Variants in KCNK2 observed in about 807,000 individuals in gnomAD.
The protein encoded by KCNK2 is potassium channel subfamily K member 2.
KCNK2 carries 21 observed loss-of-function variants against 40.5 expected under a neutral mutation model. The observed-to-expected ratio is 0.52, with a 90% CI of 0.37 to 0.75. The LOEUF is 0.75. KCNK2 is among the 30% of genes least tolerant of loss of function. KCNK2 has a pLI of 0.00. For missense variants in KCNK2, 399 were observed against 531.6 expected (o/e 0.75, Z 2.45); for synonymous variants, 191 against 202.2 (o/e 0.94, Z 0.47).
At position 215,127,471 on chromosome 1, in the gene KCNK2, T is replaced by C. The variant is rs536425880; in HGVS notation, c.475+2721T>C. Among the ~76,000 whole-genome samples, 109 of 152,332 alleles carry C rather than the reference T, an allele frequency of 7.2e-4. 1 individual carries two copies. The highest frequency in any genetic ancestry group is 1.4e-3 in the Non-Finnish European group (92 of 68,026). On this transcript the variant is annotated intron_variant, in intron 3 of 6. Coordinates refer to ENST00000444842, the MANE Select transcript of KCNK2 (RefSeq NM_001017425.3). ...GAAATCCATTCTTGACCATTCCTTT[T>C]CTCTCATATGCCACTTCCATTCCAT...
At position 215,234,841 on chromosome 1, in the gene KCNK2, G is replaced by T; in HGVS notation, c.977G>T (p.Arg326Ile). The T allele has an allele frequency of 6.2e-7, 1 of 1,612,774 alleles. No individual in the cohort carries two copies. Among genetic ancestry groups the T allele is most frequent in the South Asian group, 1.1e-5 (1 of 91,044 alleles). ...TGTATGTTCCAGGTGGGAGAGTTCAGAGCACACGCTGCTGAGTGGACAGCC... is the reference window on the plus strand; with the variant it reads ...TGTATGTTCCAGGTGGGAGAGTTCATAGCACACGCTGCTGAGTGGACAGCC... ...KKTKEEVGEF[R>I]AHAAEWTANV... The change falls in exon 7 of 7, where the codon AGA (arginine) becomes ATA (isoleucine). Residue 326 changes from arginine to isoleucine, a missense_variant. Arg to Ile is a moderately conservative substitution (Grantham distance 97). Coordinates refer to ENST00000444842, the MANE Select transcript of KCNK2 (RefSeq NM_001017425.3).
chr1:215,096,262 G>A (rs773616252), intron 2 of KCNK2, among the ~76,000 whole-genome samples: 5 of 151,736 alleles, frequency 3.3e-5, no homozygotes, highest in East Asian at 1.9e-4. Flanking sequence ...ATAGGATCAC[G>A]TATGCATGCC....
chr1:215,140,218 TCTTTA>T (rs1167620426), intron 3 of KCNK2, among the ~76,000 whole-genome samples: 1 of 152,176 alleles, frequency 6.6e-6, no homozygotes, highest in Admixed American at 6.5e-5. Context: ...ATACTGTCTG[TCTTTA>T]CTTTTCTAAG....
At chr1:215,021,577 G>A (rs907593246) in intron 1 of KCNK2, among the ~76,000 whole-genome samples, 2 of 121,484 alleles carry the variant, frequency 1.6e-5, no homozygotes, top group South Asian at 2.9e-4. Flanking sequence ...ACGGAATCTC[G>A]CTCTGTCGCC....
intron 2 of KCNK2, among the ~76,000 whole-genome samples, chr1:215,110,299 T>C (rs897409847): frequency 6.6e-6 from 1 of 152,054 alleles, no homozygotes; most frequent in African/African-American, 2.4e-5. Flanking sequence ...GATCAATGTC[T>C]TGAAGAGCTT....
chr1:215,152,493 G>C (rs1343746229), intron 3 of KCNK2, among the ~76,000 whole-genome samples: 1 of 152,080 alleles, frequency 6.6e-6, no homozygotes, highest in Admixed American at 6.5e-5. Context: ...TTTCAGTGTA[G>C]TAAATCTTTG....
intron 1 of KCNK2, among the ~76,000 whole-genome samples, chr1:215,027,343 A>G (rs767372407): frequency 1.3e-5 from 2 of 152,110 alleles, no homozygotes; most frequent in African/African-American, 2.4e-5. Context: ...GATTCTTTCT[A>G]TCGTTTCGAT....
Position 215,232,544 on chromosome 1 carries a change from G to C in KCNK2, c.964-2284G>C, listed in dbSNP as rs567076784. ...AGTGATAAATTTATTCATTTAACAG[G>C]TACTTATTGGAAATGTGCCACATAC... On this transcript the variant is annotated intron_variant, in intron 6 of 6. Transcript: ENST00000444842. Among the ~76,000 whole-genome samples, 3 of 152,160 alleles carry C rather than the reference G, an allele frequency of 2.0e-5. No individual in the cohort carries two copies. The East Asian group carries it at 5.8e-4, about 29-fold the overall frequency.
chr1:215,053,534 T>C (rs928023176), intron 1 of KCNK2, among the ~76,000 whole-genome samples: 3 of 152,212 alleles, frequency 2.0e-5, no homozygotes, highest in African/African-American at 7.2e-5. Context: ...TATTGAATGT[T>C]TTTCTGAACA....
intron 2 of KCNK2, among the ~76,000 whole-genome samples, chr1:215,124,382 G>T (rs1163470855): frequency 6.6e-6 from 1 of 152,120 alleles, no homozygotes; most frequent in Non-Finnish European, 1.5e-5. Flanking sequence ...CAATATGAAA[G>T]CATGTTGGTG....
intron 5 of KCNK2, among the ~76,000 whole-genome samples, chr1:215,176,973 T>C (rs1352556999): frequency 6.6e-6 from 1 of 152,220 alleles, no homozygotes; most frequent in Non-Finnish European, 1.5e-5. Context: ...AAAGCGTTTT[T>C]ATTTCTCCAC....
At chr1:215,201,845 C>T (rs1665092048) in intron 6 of KCNK2, among the ~76,000 whole-genome samples, 1 of 152,242 alleles carries the variant, frequency 6.6e-6, no homozygotes, top group African/African-American at 2.4e-5. Context: ...CTTAATGTAG[C>T]CTGCTTTTAC....
At chr1:215,087,302 A>T (rs12041014) in intron 2 of KCNK2, among the ~76,000 whole-genome samples, 60,245 of 152,126 alleles carry the variant, frequency 0.4, 14,948 homozygotes, top group East Asian at 0.54. Context: ...TGCTTCTCTA[A>T]CCCCCAGCTA....
At chr1:215,173,964 C>G (rs939724654) in intron 5 of KCNK2, among the ~76,000 whole-genome samples, 2 of 152,166 alleles carry the variant, frequency 1.3e-5, no homozygotes, top group African/African-American at 4.8e-5. Flanking sequence ...TGCAGAAGCT[C>G]TTGAGTTTAA....
chr1:215,109,438 G>GT (rs1309158770), intron 2 of KCNK2, among the ~76,000 whole-genome samples: 2 of 152,060 alleles, frequency 1.3e-5, no homozygotes, highest in Non-Finnish European at 2.9e-5. Context: ...TAGCGCTCAT[G>GT]TAAGAGTGAG....
intron 1 of KCNK2, among the ~76,000 whole-genome samples, chr1:215,061,913 G>A (rs954594865): frequency 3.9e-5 from 6 of 152,048 alleles, no homozygotes; most frequent in African/African-American, 1.4e-4. Context: ...GGAATAATTA[G>A]TGGATTTCAT....
At chr1:215,172,267 A>G in intron 5 of KCNK2, 84 bp downstream of exon 5, 1 of 1,267,142 alleles carries the variant, frequency 7.9e-7, no homozygotes, top group Non-Finnish European at 1.1e-6. Context: ...ACGAAACACA[A>G]GGGCTGTATG....
intron 6 of KCNK2, among the ~76,000 whole-genome samples, chr1:215,216,766 T>C (rs1459687358): frequency 1.3e-5 from 2 of 152,180 alleles, no homozygotes; most frequent in Admixed American, 6.5e-5. Flanking sequence ...TCTTTTTTAA[T>C]AATAAATCTT....
At chr1:215,007,943 T>C (rs1209790442) in intron 1 of KCNK2, among the ~76,000 whole-genome samples, 1 of 152,116 alleles carries the variant, frequency 6.6e-6, no homozygotes, top group Non-Finnish European at 1.5e-5. Flanking sequence ...TCAGAAGCAA[T>C]TCTAATTAAA....
Sources: allele counts gnomAD v4.1 joint callset (sites outside exome capture counted in the v4.1 genomes callset), GRCh38; gene constraint gnomAD v4.1.1; transcripts MANE v1.5; gene names NCBI Gene and HGNC (gene_info 2026-07-23, HGNC 2026-07-21).